CCDC7: variants seen among roughly 807,000 people sequenced by gnomAD.
The protein encoded by CCDC7 is coiled-coil domain containing 7.
Under a neutral mutation model 196.9 loss-of-function variants are expected in CCDC7, and 183 were observed. That is an observed-to-expected ratio of 0.93 (90% confidence interval 0.82 to 1.05). The LOEUF is 1.05. CCDC7 is among the 50% of genes least tolerant of loss of function. The pLI is 0.00. For synonymous variants in CCDC7, 525 were observed against 484.6 expected (o/e 1.08, Z -1.10); for missense variants, 1,540 against 1,482.2 (o/e 1.04, Z -0.64).
intron 11 of CCDC7, among the ~76,000 whole-genome samples, chr10:32,538,101 A>G (rs1259170450): frequency 6.6e-6 from 1 of 152,152 alleles, no homozygotes; most frequent in Non-Finnish European, 1.5e-5. Flanking sequence ...CATTTTAACA[A>G]TATTGAGTCT....
At chr10:32,491,231 T>C (rs1428531490) in intron 8 of CCDC7, among the ~76,000 whole-genome samples, 1 of 152,184 alleles carries the variant, frequency 6.6e-6, no homozygotes, top group Non-Finnish European at 1.5e-5. Context: ...TAGGAACTCT[T>C]GTATGCTTCT....
intron 18 of CCDC7, 61 bp downstream of exon 19, chr10:32,584,365 A>G (rs374252859): frequency 2.7e-6 from 3 of 1,091,886 alleles, no homozygotes; most frequent in African/African-American, 3.1e-5. Context: ...TTTCCATGAT[A>G]TAATTATAAA....
At position 32,779,219 on chromosome 10, in the gene CCDC7, T is replaced by C. The variant is rs1212671692; in HGVS notation, c.3013+135T>C. On this transcript the variant is annotated intron_variant, in intron 29 of 41. Coordinates refer to ENST00000639629, the Ensembl canonical transcript of CCDC7. ...CTCAACTTAAGTTCATTCTACTCAATCAATCTACATGTCAATTAAGTGTAT... is the reference window on the plus strand; with the variant it reads ...CTCAACTTAAGTTCATTCTACTCAACCAATCTACATGTCAATTAAGTGTAT... 4.9e-6 allele frequency: 3 copies of C among 614,050 alleles called. No homozygotes were observed. The African/African-American group carries it at 5.7e-5, about 12-fold the overall frequency. 38.0% of individuals were successfully genotyped at this position (614,050 alleles called of 1,614,324 possible).
intron 20 of CCDC7, among the ~76,000 whole-genome samples, chr10:32,640,334 G>C (rs891827745): frequency 6.6e-5 from 10 of 151,266 alleles, no homozygotes; most frequent in Non-Finnish European, 1.0e-4. Flanking sequence ...TTGGTTTAAA[G>C]TACTTTTTTT....
At chr10:32,510,436 T>G (rs1273453451) in intron 9 of CCDC7, among the ~76,000 whole-genome samples, 6 of 152,206 alleles carry the variant, frequency 3.9e-5, no homozygotes, top group Non-Finnish European at 7.4e-5. Context: ...TTGTTAATTT[T>G]TCTTAATAGC....
At chr10:32,737,711 T>C (rs1398410328) in intron 28 of CCDC7, among the ~76,000 whole-genome samples, 1 of 152,186 alleles carries the variant, frequency 6.6e-6, no homozygotes, top group African/African-American at 2.4e-5. Context: ...TGTTGTTAGG[T>C]GCATACTTAT....
chr10:32,692,983 A>G (rs1423488118), intron 23 of CCDC7, among the ~76,000 whole-genome samples: 3 of 152,148 alleles, frequency 2.0e-5, no homozygotes, highest in Non-Finnish European at 4.4e-5. Context: ...CCCTATTCTA[A>G]TTCCTCTCAA....
chr10:32,565,421 T>G, intron 13 of CCDC7, 137 bp from the exon 15 acceptor site: 11 of 771,276 alleles, frequency 1.4e-5, no homozygotes, highest in Non-Finnish European at 1.9e-5. Flanking sequence ...CCATTACACT[T>G]GAGAGATGTG....
intron 21 of CCDC7, among the ~76,000 whole-genome samples, chr10:32,671,614 G>A (rs888767201): frequency 6.6e-6 from 1 of 152,180 alleles, no homozygotes; most frequent in Admixed American, 6.5e-5. Flanking sequence ...GGAGATTATT[G>A]TGGTGTTTTG....
At chr10:32,693,973 C>T (rs527755758) in intron 23 of CCDC7, among the ~76,000 whole-genome samples, 6 of 152,200 alleles carry the variant, frequency 3.9e-5, no homozygotes, top group African/African-American at 1.4e-4. Context: ...TGAATGAATA[C>T]AAGTTATTAT....
At chr10:32,870,435 C>T (rs11009118) in intron 41 of CCDC7, among the ~76,000 whole-genome samples, 20,934 of 152,082 alleles carry the variant, frequency 0.14, 1,743 homozygotes, top group East Asian at 0.25. Context: ...ATGATTTTTG[C>T]ACATTGATTT....
intron 13 of CCDC7, among the ~76,000 whole-genome samples, chr10:32,545,648 G>A (rs1831771): frequency 0.44 from 66,725 of 152,056 alleles, 15,260 homozygotes; most frequent in East Asian, 0.58. Flanking sequence ...GCTTACGCCT[G>A]TAATACCAGC....
At chr10:32,831,699 C>A (rs2092193294) in intron 32 of CCDC7, among the ~76,000 whole-genome samples, 1 of 152,158 alleles carries the variant, frequency 6.6e-6, no homozygotes, top group African/African-American at 2.4e-5. Context: ...CTGTCTTCCA[C>A]CTCCACGTCT....
chr10:32,624,552 C>A lies in CCDC7; in HGVS notation c.1802-9702C>A, dbSNP rs967839575. Among the ~76,000 whole-genome samples, 3 of 152,132 alleles carry A rather than the reference C, an allele frequency of 2.0e-5. No homozygotes were observed. The South Asian group carries it at 6.2e-4, about 32-fold the overall frequency. On this transcript the variant is annotated intron_variant, in intron 18 of 41. Coordinates refer to ENST00000639629, the Ensembl canonical transcript of CCDC7. The stretch of plus-strand genomic sequence containing the variant: ...TCAAAATCTCAATGCCTTAATATAA[C>A]TGTTGTTTATGTCTCTCTCATCTAA...
At position 32,565,622 on chromosome 10, in the gene CCDC7, T is replaced by C; in HGVS notation, c.1197+2T>C. 1.9e-6 allele frequency: 3 copies of C among 1,606,818 alleles called. No homozygotes were observed. Among genetic ancestry groups the C allele is most frequent in the Admixed American group, 1.7e-5 (1 of 59,482 alleles). ...GAGCAATTGAAACAGGCTTTACAGGTAAAGGATGTCATGTTTCTTTAACAT... is the reference window on the plus strand; with the variant it reads ...GAGCAATTGAAACAGGCTTTACAGGCAAAGGATGTCATGTTTCTTTAACAT... On this transcript the variant is annotated splice_donor_variant, in intron 14 of 41. Transcript: ENST00000639629. LOFTEE classifies it high-confidence loss of function.
intron 5 of CCDC7, among the ~76,000 whole-genome samples, chr10:32,467,516 G>T (rs2037086575): frequency 6.6e-6 from 1 of 152,076 alleles, no homozygotes; most frequent in African/African-American, 2.4e-5. Context: ...GTTTGCAAAT[G>T]TTTTCTCCCA....
At chr10:32,584,805 A>G (rs1453976806) in intron 18 of CCDC7, among the ~76,000 whole-genome samples, 1 of 149,308 alleles carries the variant, frequency 6.7e-6, no homozygotes, top group Non-Finnish European at 1.5e-5. Context: ...TATATTACTT[A>G]GAGAGTCTAT....
chr10:32,489,726 G>A (rs913139771), intron 8 of CCDC7, among the ~76,000 whole-genome samples: 8 of 152,164 alleles, frequency 5.3e-5, no homozygotes, highest in African/African-American at 1.9e-4. Context: ...GCAGGCTGGT[G>A]CAGAGTGAGC....
At chr10:32,487,302 T>A (rs1173754467) in intron 8 of CCDC7, among the ~76,000 whole-genome samples, 2 of 152,242 alleles carry the variant, frequency 1.3e-5, no homozygotes, top group Non-Finnish European at 2.9e-5. Flanking sequence ...TGTGCATTCG[T>A]CATGTAGTTC....
Sources: gnomAD v4.1 joint callset for allele counts (sites outside exome capture counted in the v4.1 genomes callset) on GRCh38, gnomAD v4.1.1 for gene constraint, MANE v1.5 for transcripts, NCBI Gene and HGNC (gene_info 2026-07-23, HGNC 2026-07-21) for gene names.